FRMD5: variants seen among roughly 807,000 people sequenced by gnomAD.
FRMD5 encodes FERM domain-containing protein 5.
FRMD5 carries 20 observed loss-of-function variants against 69.0 expected under a neutral mutation model. The observed-to-expected ratio is 0.29, with a 90% CI of 0.20 to 0.42. FRMD5 has a LOEUF of 0.42. Among genes scored for constraint, FRMD5 ranks in the 10% least tolerant of loss-of-function variants. FRMD5 has a pLI of 1.00. For missense variants in FRMD5, 595 were observed against 708.6 expected (o/e 0.84, Z 1.82); for synonymous variants, 271 against 260.1 (o/e 1.04, Z -0.40).
intron 7 of FRMD5, among the ~76,000 whole-genome samples, chr15:43,895,221 G>A (rs929915536): frequency 6.6e-6 from 1 of 152,210 alleles, no homozygotes; most frequent in Non-Finnish European, 1.5e-5. Context: ...GTTAGGAAAC[G>A]AAAATGTGGG....
At chr15:43,912,780 G>A in intron 4 of FRMD5, among the ~76,000 whole-genome samples, 1 of 151,698 alleles carries the variant, frequency 6.6e-6, no homozygotes, top group Middle Eastern at 3.4e-3. Context: ...CACTTTGGGA[G>A]GTCGAGGTGG....
chr15:43,939,036 T>C (rs1473471575), intron 1 of FRMD5, among the ~76,000 whole-genome samples: 3 of 151,728 alleles, frequency 2.0e-5, no homozygotes, highest in African/African-American at 7.3e-5. Context: ...TAATTTTTTT[T>C]TTTTTTGTAT....
chr15:43,999,122 T>G (rs1179268068), intron 1 of FRMD5, among the ~76,000 whole-genome samples: 1 of 152,112 alleles, frequency 6.6e-6, no homozygotes, highest in Non-Finnish European at 1.5e-5. Context: ...GGCTGGAGTG[T>G]GGTGGTGTGA....
chr15:43,906,890 C>T (rs1051820583), intron 5 of FRMD5, among the ~76,000 whole-genome samples: 33 of 152,082 alleles, frequency 2.2e-4, no homozygotes, highest in Admixed American at 1.6e-3. Flanking sequence ...CGTGAGCCAC[C>T]GCACCCGGCC....
At chr15:44,102,185 C>G (rs1224736500) in intron 1 of FRMD5, among the ~76,000 whole-genome samples, 1 of 152,180 alleles carries the variant, frequency 6.6e-6, no homozygotes, top group Non-Finnish European at 1.5e-5. Context: ...TCAGAGAATA[C>G]TCTGATTAGA....
At chr15:44,168,832 G>C (rs1327780880) in intron 1 of FRMD5, among the ~76,000 whole-genome samples, 1 of 152,022 alleles carries the variant, frequency 6.6e-6, no homozygotes, top group Admixed American at 6.6e-5. Flanking sequence ...ATCTTAATGC[G>C]CTAGGATCCT....
At chr15:43,906,670 T>C (rs537889928) in intron 5 of FRMD5, among the ~76,000 whole-genome samples, 17 of 151,674 alleles carry the variant, frequency 1.1e-4, no homozygotes, top group Non-Finnish European at 2.2e-4. Flanking sequence ...GGTGCGATCT[T>C]GGCTCACTGC....
At chr15:43,875,315 C>T (rs553418482) in intron 13 of FRMD5, among the ~76,000 whole-genome samples, 30 of 129,592 alleles carry the variant, frequency 2.3e-4, no homozygotes, top group African/African-American at 8.3e-4. Flanking sequence ...CACACCACTG[C>T]ATTCCAACCT....
intron 1 of FRMD5, among the ~76,000 whole-genome samples, chr15:44,103,599 G>A (rs2076672312): frequency 6.6e-6 from 1 of 152,164 alleles, no homozygotes; most frequent in Admixed American, 6.5e-5. Context: ...ACATACATAA[G>A]GTTGTGCGAC....
At chr15:44,193,967 G>A (rs2078237866) in intron 1 of FRMD5, among the ~76,000 whole-genome samples, 1 of 152,214 alleles carries the variant, frequency 6.6e-6, no homozygotes, top group Non-Finnish European at 1.5e-5. Context: ...TCTGGGTCCA[G>A]CTCAATTAGC....
intron 1 of FRMD5, among the ~76,000 whole-genome samples, chr15:44,009,406 G>A (rs1890611247): frequency 2.0e-5 from 3 of 152,200 alleles, no homozygotes; most frequent in Admixed American, 2.0e-4. Context: ...GTGGCTGGGT[G>A]CAGTGGCTCA....
Position 43,892,025 on chromosome 15 carries a change from C to T in FRMD5, c.684G>A (p.Gly228=), listed in dbSNP as rs1480118536. 3 of 1,614,048 alleles carry T rather than the reference C, an allele frequency of 1.9e-6. No homozygotes were observed. The Middle Eastern group carries it at 4.9e-4, about 265-fold the overall frequency. Residue 228 remains glycine (G), a synonymous_variant, in exon 8 of 14, where the codon GGG becomes GGA. Coordinates refer to ENST00000417257, the MANE Select transcript of FRMD5 (RefSeq NM_032892.5). ...TCTTGTTTCCTTGAAGAACAACAAA[C>T]CCAAAAGGAGTGAAGGCCAGAAATG... ...NAAFLAFTPF[G]FVVLQGNKRV...
intron 1 of FRMD5, among the ~76,000 whole-genome samples, chr15:43,953,389 A>G (rs1049314788): frequency 6.6e-6 from 1 of 152,208 alleles, no homozygotes; most frequent in Non-Finnish European, 1.5e-5. Flanking sequence ...TTGGTGGTGG[A>G]GATGGGTGGG....
intron 5 of FRMD5, among the ~76,000 whole-genome samples, chr15:43,909,395 A>C (rs12916412): frequency 6.6e-6 from 1 of 151,416 alleles, no homozygotes; most frequent in Non-Finnish European, 1.5e-5. Flanking sequence ...GCAAGACTCC[A>C]TCTCAAAAAA....
chr15:44,194,670 GAACC>G, intron 1 of FRMD5: 1 of 478,992 alleles, frequency 2.1e-6, no homozygotes, highest in South Asian at 2.3e-5. Flanking sequence ...CGGGCTCGAG[GAACC>G]AGGACGGGGC....
intron 7 of FRMD5, among the ~76,000 whole-genome samples, chr15:43,899,921 G>A (rs2089003843): frequency 6.6e-6 from 1 of 152,114 alleles, no homozygotes. Flanking sequence ...CCCTTTCCCC[G>A]CTCTAGTCAG....
chr15:44,061,315 T>C (rs556773094), intron 1 of FRMD5, among the ~76,000 whole-genome samples: 4 of 152,198 alleles, frequency 2.6e-5, no homozygotes, highest in Non-Finnish European at 5.9e-5. Flanking sequence ...GGGACAAGTC[T>C]CAATGCATTT....
intron 1 of FRMD5, among the ~76,000 whole-genome samples, chr15:44,058,267 T>C (rs1003644273): frequency 6.6e-5 from 10 of 152,160 alleles, no homozygotes; most frequent in African/African-American, 2.4e-4. Context: ...GTAGGTATAA[T>C]TATGTTTATA....
chr15:44,153,337 G>A (rs1184906823), intron 1 of FRMD5, among the ~76,000 whole-genome samples: 3 of 152,126 alleles, frequency 2.0e-5, no homozygotes, highest in Non-Finnish European at 1.5e-5. Flanking sequence ...ACAGATGAAT[G>A]AATAAGCAAA....
Sources: gnomAD v4.1 joint callset for allele counts (sites outside exome capture counted in the v4.1 genomes callset) on GRCh38, gnomAD v4.1.1 for gene constraint, MANE v1.5 for transcripts, NCBI Gene and HGNC (gene_info 2026-07-23, HGNC 2026-07-21) for gene names.